Variants in GABRB1 observed in about 807,000 individuals in gnomAD.
GABRB1 encodes the protein gamma-aminobutyric acid type A receptor subunit beta1.
In GABRB1, 17 loss-of-function variants were observed where a neutral mutation model predicts 51.6. The ratio of observed to expected loss-of-function variants is 0.33; its 90% CI spans 0.23 to 0.49. The LOEUF (loss-of-function observed/expected upper bound fraction) is 0.49, where lower values mean the gene tolerates loss of function less well. GABRB1 is among the 20% of genes least tolerant of loss of function. The pLI is 0.99. For synonymous variants in GABRB1, 247 were observed against 218.9 expected (o/e 1.13, Z -1.14); for missense variants, 410 against 600.6 (o/e 0.68, Z 3.32).
At chr4:47,378,420 C>A (rs906704986) in intron 5 of GABRB1, among the ~76,000 whole-genome samples, 3 of 152,174 alleles carry the variant, frequency 2.0e-5, no homozygotes, top group Non-Finnish European at 2.9e-5. Context: ...AGCCCGGGTT[C>A]CCGCCCACAC....
intron 3 of GABRB1, among the ~76,000 whole-genome samples, chr4:47,073,752 A>G (rs181880307): frequency 1.3e-5 from 2 of 152,210 alleles, no homozygotes; most frequent in East Asian, 1.9e-4. Context: ...TCTGGCACTC[A>G]TGCACCACCT....
chr4:47,290,220 T>C (rs1723670340), intron 4 of GABRB1, among the ~76,000 whole-genome samples: 1 of 152,164 alleles, frequency 6.6e-6, no homozygotes. Flanking sequence ...AATTGAATCA[T>C]GGGGGCAGGT....
At position 47,381,338 on chromosome 4, in the gene GABRB1, C is replaced by G. The variant is rs536916728; in HGVS notation, c.545-21980C>G. On this transcript the variant is annotated intron_variant, in intron 5 of 8. Coordinates refer to ENST00000295454, the MANE Select transcript of GABRB1 (RefSeq NM_000812.4). Reference sequence around the variant, plus strand: ...TTTGTGGGTGTCAACTCAGCTCCCACTCAACTCTCTGCACCAGTGATGTGC... The same window carrying G: ...TTTGTGGGTGTCAACTCAGCTCCCAGTCAACTCTCTGCACCAGTGATGTGC... 6.6e-5 allele frequency among the ~76,000 whole-genome samples: 10 copies of G among 152,280 alleles called. No homozygotes were observed. The South Asian group carries it at 1.9e-3, about 28-fold the overall frequency.
chr4:47,335,729 G>A (rs1725673597), intron 5 of GABRB1, among the ~76,000 whole-genome samples: 1 of 152,082 alleles, frequency 6.6e-6, no homozygotes, highest in African/African-American at 2.4e-5. Context: ...ATTTGAAGAT[G>A]AATAATAATG....
intron 3 of GABRB1, among the ~76,000 whole-genome samples, chr4:47,113,073 T>C (rs777221897): frequency 1.2e-4 from 19 of 152,120 alleles, no homozygotes; most frequent in African/African-American, 4.6e-4. Flanking sequence ...ACCCCAAAAA[T>C]GCTGAATGTC....
chr4:47,218,804 T>A (rs901643623), intron 4 of GABRB1, among the ~76,000 whole-genome samples: 2 of 151,810 alleles, frequency 1.3e-5, no homozygotes, highest in Non-Finnish European at 2.9e-5. Context: ...TGATAAACAA[T>A]GAAACAGTGC....
chr4:47,304,308 T>G (rs980273890), intron 4 of GABRB1, among the ~76,000 whole-genome samples: 3 of 152,084 alleles, frequency 2.0e-5, no homozygotes, highest in Non-Finnish European at 4.4e-5. Context: ...CATTTATCTT[T>G]CATCTTTTTG....
intron 3 of GABRB1, among the ~76,000 whole-genome samples, chr4:47,101,108 C>T (rs1450204230): frequency 6.6e-6 from 1 of 152,004 alleles, no homozygotes. Flanking sequence ...GTGGGCTCAT[C>T]TTCACCTGGT....
intron 3 of GABRB1, among the ~76,000 whole-genome samples, chr4:47,142,249 C>G (rs148858594): frequency 2.0e-5 from 3 of 151,866 alleles, no homozygotes; most frequent in South Asian, 2.1e-4. Context: ...CATAGGTAGA[C>G]AGTTCAAGAA....
intron 3 of GABRB1, among the ~76,000 whole-genome samples, chr4:47,048,332 A>G (rs1436041702): frequency 6.6e-6 from 1 of 152,114 alleles, no homozygotes; most frequent in Non-Finnish European, 1.5e-5. Flanking sequence ...TATATCTCAG[A>G]AAAAGCTGCC....
intron 3 of GABRB1, among the ~76,000 whole-genome samples, chr4:47,096,756 T>C (rs995355777): frequency 1.1e-4 from 16 of 152,180 alleles, no homozygotes; most frequent in Non-Finnish European, 2.1e-4. Context: ...AGAGATGTGA[T>C]GTTGCAAACT....
chr4:47,394,354 G>T (rs1046690565), intron 5 of GABRB1, among the ~76,000 whole-genome samples: 15 of 152,154 alleles, frequency 9.9e-5, no homozygotes, highest in African/African-American at 3.4e-4. Context: ...TCTAGATACT[G>T]GTTTACAACT....
chr4:47,160,001 C>T lies in GABRB1; in HGVS notation c.241-1248C>T, dbSNP rs1189136669. On this transcript the variant is annotated intron_variant, in intron 3 of 8. Coordinates refer to ENST00000295454, the MANE Select transcript of GABRB1 (RefSeq NM_000812.4). ...TCATATCAAAGACTTTAGGATTTTA[C>T]TGCTGCCAATTTATTTTCCTTTAAT... 4.6e-5 allele frequency among the ~76,000 whole-genome samples: 7 copies of T among 152,194 alleles called. No individual in the cohort carries two copies. The South Asian group carries it at 8.3e-4, about 18-fold the overall frequency.
intron 8 of GABRB1, among the ~76,000 whole-genome samples, chr4:47,415,033 C>A (rs1728868252): frequency 6.6e-6 from 1 of 152,246 alleles, no homozygotes; most frequent in South Asian, 2.1e-4. Context: ...CTGTCCTAAT[C>A]TGGCTTCGTT....
In GABRB1 at chr4:47,177,405, A is replaced by T. The variant is rs111936742; in HGVS notation, c.461+15936A>T. Among the ~76,000 whole-genome samples, 165 of 152,258 alleles carry T rather than the reference A, an allele frequency of 1.1e-3. 1 individual carries two copies. The highest frequency in any genetic ancestry group is 3.4e-3 in the African/African-American group (142 of 41,572). ...TACAGAAATATAACTCACCTGAAAG[A>T]TTTGAAAGTCTATCATTTCAAAGAA... On this transcript the variant is annotated intron_variant, in intron 4 of 8. Transcript: ENST00000295454.
chr4:47,302,008 A>G (rs554324424), intron 4 of GABRB1, among the ~76,000 whole-genome samples: 1 of 152,320 alleles, frequency 6.6e-6, no homozygotes, highest in East Asian at 1.9e-4. Context: ...ACAGAATGAA[A>G]GGTAAAGCCC....
At chr4:47,039,780 A>G (rs1560506829) in intron 3 of GABRB1, among the ~76,000 whole-genome samples, 2 of 152,226 alleles carry the variant, frequency 1.3e-5, no homozygotes, top group African/African-American at 4.8e-5. Context: ...AACAGCATGA[A>G]GTGTTCTGGG....
chr4:47,076,760 C>T (rs1427817723), intron 3 of GABRB1, among the ~76,000 whole-genome samples: 2 of 152,136 alleles, frequency 1.3e-5, no homozygotes, highest in Non-Finnish European at 2.9e-5. Flanking sequence ...CTCTTCTCTC[C>T]CAGAGACAAC....
chr4:47,207,120 G>A (rs1720158360), intron 4 of GABRB1, among the ~76,000 whole-genome samples: 2 of 151,896 alleles, frequency 1.3e-5, no homozygotes, highest in Admixed American at 6.6e-5. Context: ...GAATTTATTA[G>A]TGTGTTCAAT....
Sources: allele counts gnomAD v4.1 joint callset (sites outside exome capture counted in the v4.1 genomes callset), GRCh38; gene constraint gnomAD v4.1.1; transcripts MANE v1.5; gene names NCBI Gene and HGNC (gene_info 2026-07-23, HGNC 2026-07-21).